Variants in HK2 observed in about 807,000 individuals in gnomAD.
HK2 encodes hexokinase-2.
In HK2, 42 loss-of-function variants were observed where a neutral mutation model predicts 92.9. The observed-to-expected ratio is 0.45, with a 90% CI of 0.35 to 0.58. The LOEUF is 0.58. Ranked by LOEUF, HK2 falls within the 20% of genes least tolerant of loss-of-function variation. The pLI is 0.00. For synonymous variants in HK2, 422 were observed against 468.0 expected, an observed-to-expected ratio of 0.90 and a Z score of 1.27; for missense variants, 978 against 1,245.1, an observed-to-expected ratio of 0.79 and a Z score of 3.23.
Position 74,854,010 on chromosome 2 carries a change from C to T in HK2, c.64-283C>T, listed in dbSNP as rs369019389. Among the ~76,000 whole-genome samples, 3 of 152,244 alleles carry T rather than the reference C, an allele frequency of 2.0e-5. 1 individual carries two copies. The highest frequency in any genetic ancestry group is 6.5e-5 in the Admixed American group (1 of 15,296). On this transcript the variant is annotated intron_variant, in intron 1 of 17. Transcript: ENST00000290573. ...AGTGATGTTGTCACAGGCCTTCCGA[C>T]TCAACCATTCTGAAAAGAACTCTCC... is the stretch of plus-strand genomic sequence containing the variant.
chr2:74,889,585 C>T, intron 17 of HK2, 107 bp downstream of exon 17: 1 of 802,308 alleles, frequency 1.2e-6, no homozygotes, highest in Non-Finnish European at 2.2e-6. Flanking sequence ...ATCAGCCATT[C>T]CAAATAGTGT....
chr2:74,836,600 C>G (rs1472055102), intron 1 of HK2, among the ~76,000 whole-genome samples: 4 of 152,156 alleles, frequency 2.6e-5, no homozygotes, highest in African/African-American at 9.7e-5. Context: ...AGAAGTGTCC[C>G]TGAAGACCCT....
intron 2 of HK2, among the ~76,000 whole-genome samples, chr2:74,855,062 T>G (rs1056190413): frequency 4.6e-5 from 7 of 152,248 alleles, no homozygotes; most frequent in African/African-American, 1.4e-4. Context: ...AATGATGCGA[T>G]CTCGGCTCAC....
chr2:74,874,545 C>T (rs1234558028), intron 7 of HK2, 96 bp downstream of exon 7: 3 of 1,239,992 alleles, frequency 2.4e-6, no homozygotes, highest in African/African-American at 1.5e-5. Flanking sequence ...TACAGTCTTA[C>T]ATCCCCAAAG....
intron 1 of HK2, among the ~76,000 whole-genome samples, chr2:74,852,992 G>A (rs1386922622): frequency 2.0e-5 from 3 of 152,212 alleles, no homozygotes; most frequent in South Asian, 2.1e-4. Context: ...ATAGTGTTGC[G>A]AAGGGAAAAG....
chr2:74,869,890 C>T (rs961159771), intron 3 of HK2, among the ~76,000 whole-genome samples: 2 of 152,148 alleles, frequency 1.3e-5, no homozygotes, highest in Non-Finnish European at 1.5e-5. Context: ...GGAACTGTCT[C>T]CTATCTTCCC....
intron 1 of HK2, among the ~76,000 whole-genome samples, chr2:74,852,872 G>T (rs1018047007): frequency 2.0e-5 from 3 of 152,190 alleles, no homozygotes; most frequent in African/African-American, 4.8e-5. Context: ...TCTCCATTGT[G>T]CCAGGCACCG....
At chr2:74,859,411 G>T (rs888077806) in intron 2 of HK2, among the ~76,000 whole-genome samples, 4 of 152,162 alleles carry the variant, frequency 2.6e-5, no homozygotes, top group Non-Finnish European at 5.9e-5. Context: ...AGAAGGCCGG[G>T]CATGGTGTCT....
At chr2:74,845,077 C>G (rs1688406266) in intron 1 of HK2, among the ~76,000 whole-genome samples, 1 of 152,196 alleles carries the variant, frequency 6.6e-6, no homozygotes, top group African/African-American at 2.4e-5. Flanking sequence ...AACACATACA[C>G]ATTTCTAACC....
At position 74,834,164 on chromosome 2, in the gene HK2, C is replaced by T. The variant is rs1368048337; in HGVS notation, c.-417C>T. ...GAAACTCCGGCGCAGGAGTCCCGGG[C>T]TGCCGCTGGCAACATCGTGTCACCC... On this transcript the variant is annotated 5_prime_UTR_variant, in exon 1 of 18. Transcript: ENST00000290573. This position sits in a 1 kb window ranked among gnomAD's most constrained non-coding sequence, Gnocchi z 4.2. 8.6e-6 allele frequency: 3 copies of T among 347,476 alleles called. No homozygotes were observed. Among genetic ancestry groups the T allele is most frequent in the Non-Finnish European group, 1.1e-5 (2 of 177,096 alleles). The allele number at this position is 347,476 out of a possible 1,614,324, so 21.5% of individuals were successfully genotyped here.
rs1212546930 is a variant in HK2 at position 74,881,698 on chromosome 2, G to A, written c.1571-13G>A. On this transcript the variant is annotated splice_polypyrimidine_tract_variant and intron_variant, in intron 10 of 17. Transcript: ENST00000290573. ...CTGCCCCAACTTATCACTTCCCTGG[G>A]CTTATTTTCCAGAGAAAGGGGACTT... is the stretch of plus-strand genomic sequence containing the variant. 6 of 1,613,730 alleles carry A rather than the reference G, an allele frequency of 3.7e-6. No homozygotes were observed. The highest frequency in any genetic ancestry group is 5.1e-6 in the Non-Finnish European group (6 of 1,179,908).
intron 14 of HK2, 29 bp downstream of exon 14, chr2:74,886,422 G>A: frequency 1.2e-6 from 2 of 1,613,700 alleles, no homozygotes; most frequent in South Asian, 1.1e-5. Flanking sequence ...CTTTCCACAT[G>A]GGGATGCACA....
intron 3 of HK2, among the ~76,000 whole-genome samples, chr2:74,868,540 G>A (rs1689016936): frequency 6.6e-6 from 1 of 152,200 alleles, no homozygotes; most frequent in South Asian, 2.1e-4. Flanking sequence ...TTGGCATAGT[G>A]CTGGTGCATA....
At chr2:74,851,766 A>G (rs1367074605) in intron 1 of HK2, among the ~76,000 whole-genome samples, 1 of 152,094 alleles carries the variant, frequency 6.6e-6, no homozygotes, top group Non-Finnish European at 1.5e-5. Flanking sequence ...CCTCATGACA[A>G]TGTTCAGAGA....
At position 74,892,580 on chromosome 2, in the gene HK2, C is replaced by T. The variant is rs897393625; in HGVS notation, c.*1639C>T. 1 of 152,150 alleles carries T rather than the reference C, an allele frequency of 6.6e-6. No individual in the cohort carries two copies. Among genetic ancestry groups the T allele is most frequent in the Non-Finnish European group, 1.5e-5 (1 of 68,032 alleles). The allele number at this position is 152,150 out of a possible 1,614,324, so 9.4% of individuals were successfully genotyped here. A position where few individuals can be genotyped will look rare whatever the true frequency, so the allele number is the denominator to read the frequency against. Reference sequence around the variant, plus strand: ...GAAAGCCCGCCTCTGTCCTAAAATACAAACAAGCACAGACATTAAACCTGG... The same window carrying T: ...GAAAGCCCGCCTCTGTCCTAAAATATAAACAAGCACAGACATTAAACCTGG... On this transcript the variant is annotated 3_prime_UTR_variant, in exon 18 of 18. Coordinates refer to ENST00000290573, the MANE Select transcript of HK2 (RefSeq NM_000189.5).
At chr2:74,880,132 A>G in intron 9 of HK2, 133 bp from the exon 10 acceptor site, 1 of 919,392 alleles carries the variant, frequency 1.1e-6, no homozygotes, top group Non-Finnish European at 1.8e-6. Flanking sequence ...TGGAGAGAGG[A>G]TGTTTAGGGC....
intron 1 of HK2, among the ~76,000 whole-genome samples, chr2:74,848,011 T>C (rs906458903): frequency 7.2e-5 from 11 of 152,236 alleles, no homozygotes; most frequent in African/African-American, 1.9e-4. Flanking sequence ...TGTAATGTTG[T>C]GAAGGTGAGG....
intron 5 of HK2, 147 bp downstream of exon 5, chr2:74,873,518 G>C: frequency 1.6e-6 from 1 of 636,776 alleles, no homozygotes; most frequent in East Asian, 2.7e-5. Context: ...CAATAATTTT[G>C]TATGCGATCT....
At position 74,834,415 on chromosome 2, in the gene HK2, C is replaced by T. The variant is rs1180111833; in HGVS notation, c.-166C>T. ...GTCTCCGGAGACCCGCGCCCTCCGC[C>T]AGCCGGGCGCACCCTCGCCGGTAGC... is the stretch of plus-strand genomic sequence containing the variant. On this transcript the variant is annotated 5_prime_UTR_variant, in exon 1 of 18. Coordinates refer to ENST00000290573, the MANE Select transcript of HK2 (RefSeq NM_000189.5). The surrounding 1 kb of genome is among the most constrained non-coding windows in gnomAD (Gnocchi z 4.2). 1.8e-5 allele frequency: 13 copies of T among 703,730 alleles called. No individual in the cohort carries two copies. Among genetic ancestry groups the T allele is most frequent in the Non-Finnish European group, 3.0e-5 (12 of 396,208 alleles). The allele number at this position is 703,730 out of a possible 1,614,324, so 43.6% of individuals were successfully genotyped here. A position where few individuals can be genotyped will look rare whatever the true frequency, so the allele number is the denominator to read the frequency against.
Sources: gnomAD v4.1 joint callset for allele counts (sites outside exome capture counted in the v4.1 genomes callset) on GRCh38, gnomAD v4.1.1 for gene constraint, Gnocchi (gnomAD v3.1) non-coding constraint, MANE v1.5 for transcripts, NCBI Gene and HGNC (gene_info 2026-07-23, HGNC 2026-07-21) for gene names.